The following JPH4 variants were observed in gnomAD, a reference collection of about 807,000 sequenced individuals.
The protein encoded by JPH4 is junctophilin 4, also known as junctophilin-4.
In JPH4, 18 loss-of-function variants were observed where a neutral mutation model predicts 57.6. The observed-to-expected ratio is 0.31, with a 90% CI of 0.22 to 0.46. JPH4 has a LOEUF of 0.46. JPH4 is among the 20% of genes least tolerant of loss of function. The pLI is 1.00. For missense variants in JPH4, 727 were observed against 911.1 expected (o/e 0.80, Z 2.60); for synonymous variants, 425 against 406.6 (o/e 1.05, Z -0.54).
Position 23,576,505 on chromosome 14 carries a change from C to G in JPH4, c.380-49G>C. On this transcript the variant is annotated intron_variant, in intron 2 of 5. Coordinates refer to ENST00000356300, the MANE Select transcript of JPH4 (RefSeq NM_001146028.2). This position sits in a 1 kb window ranked among gnomAD's most constrained non-coding sequence, Gnocchi z 8.0. ...GAAAGAGTCAGGACGTGCCGCTGGG[C>G]TCCTTGCGCCCCAAGTCCCAAGCGC... The G allele has an allele frequency of 7.5e-7, 1 of 1,340,582 alleles. No homozygotes were observed. Among genetic ancestry groups the G allele is most frequent in the South Asian group, 1.8e-5 (1 of 54,790 alleles). 83.0% of individuals were successfully genotyped at this position (1,340,582 alleles called of 1,614,324 possible).
chr14:23,575,649 CT>C lies in JPH4; in HGVS notation c.1151+35del. 1 of 1,569,556 alleles carries C rather than the reference CT, an allele frequency of 6.4e-7. No individual in the cohort carries two copies. The highest frequency in any genetic ancestry group is 8.6e-7 in the Non-Finnish European group (1 of 1,160,462). On this transcript the variant is annotated intron_variant, in intron 3 of 5. Transcript: ENST00000356300. The surrounding 1 kb of genome is among the most constrained non-coding windows in gnomAD (Gnocchi z 6.9). ...CCTGGTCCCCAGCGCACCCCCTCCT[CT>C]TAGCCCAGCTTTGGCCTCTGAACTG...
chr14:23,574,364 G>T (rs769978698), intron 3 of JPH4, among the ~76,000 whole-genome samples: 1 of 152,002 alleles, frequency 6.6e-6, no homozygotes, highest in South Asian at 2.1e-4. Context: ...TAGTAGACAG[G>T]GTTTCCCATG....
Position 23,568,061 on chromosome 14 carries a change from TA to T in JPH4, c.*1572del, listed in dbSNP as rs750204923. ...CCTTTTTTGAACTTTTTTATTAATATATTTTTTTTGTTAAATTTCTTTGTAT... is the reference window on the plus strand; with the variant it reads ...CCTTTTTTGAACTTTTTTATTAATATTTTTTTTTGTTAAATTTCTTTGTAT... On this transcript the variant is annotated 3_prime_UTR_variant, in exon 6 of 6. Transcript: ENST00000356300. 4.5e-4 allele frequency: 438 copies of T among 983,684 alleles called. No homozygotes were observed. The highest frequency in any genetic ancestry group is 4.9e-4 in the Non-Finnish European group (402 of 827,966). The allele number at this position is 983,684 out of a possible 1,614,324, so 60.9% of individuals were successfully genotyped here. A position where few individuals can be genotyped will look rare whatever the true frequency, so the allele number is the denominator to read the frequency against.
Position 23,568,055 on chromosome 14 carries a change from T to G in JPH4, c.*1579A>C. 1 of 983,780 alleles carries G rather than the reference T, an allele frequency of 1.0e-6. No individual in the cohort carries two copies. The highest frequency in any genetic ancestry group is 1.2e-6 in the Non-Finnish European group (1 of 828,028). 60.9% of individuals were successfully genotyped at this position (983,780 alleles called of 1,614,324 possible). On this transcript the variant is annotated 3_prime_UTR_variant, in exon 6 of 6. Transcript: ENST00000356300. Reference sequence around the variant, plus strand: ...CCCCCCCCTTTTTTGAACTTTTTTATTAATATATTTTTTTTGTTAAATTTC... The same window carrying G: ...CCCCCCCCTTTTTTGAACTTTTTTAGTAATATATTTTTTTTGTTAAATTTC...
At position 23,576,941 on chromosome 14, in the gene JPH4, G is replaced by C; in HGVS notation, c.379+134C>G. 1 of 1,070,162 alleles carries C rather than the reference G, an allele frequency of 9.3e-7. No individual in the cohort carries two copies. Among genetic ancestry groups the C allele is most frequent in the African/African-American group, 1.7e-5 (1 of 60,050 alleles). 66.3% of individuals were successfully genotyped at this position (1,070,162 alleles called of 1,614,324 possible). On this transcript the variant is annotated intron_variant, in intron 2 of 5. Transcript: ENST00000356300. This position sits in a 1 kb window ranked among gnomAD's most constrained non-coding sequence, Gnocchi z 8.0. The stretch of plus-strand genomic sequence containing the variant: ...GGGAGAGAGCAGAAATTGGGGGCTG[G>C]GGGTCACATCGATGGGGAATGGTGG...
chr14:23,572,004 CT>C (rs1345480992), intron 3 of JPH4, 84 bp from the exon 4 acceptor site: 38 of 1,188,374 alleles, frequency 3.2e-5, no homozygotes, highest in Non-Finnish European at 4.5e-5. Context: ...CCCCTAGCCC[CT>C]GTCCCCTCTA....
At position 23,575,744 on chromosome 14, in the gene JPH4, G is replaced by A. The variant is rs764095747; in HGVS notation, c.1092C>T (p.Val364=). Residue 364 remains valine (V), a synonymous_variant, in exon 3 of 6, where the codon GTC becomes GTT. Transcript: ENST00000356300. The surrounding 1 kb of genome is among the most constrained non-coding windows in gnomAD (Gnocchi z 6.9). ...GKVKEKVDRA[V]EGARRAVSAA... Reference sequence around the variant, plus strand: ...CACTCACGGCTCGACGGGCGCCCTCGACAGCCCTGTCCACCTTCTCCTTAA... The same window carrying A: ...CACTCACGGCTCGACGGGCGCCCTCAACAGCCCTGTCCACCTTCTCCTTAA... The A allele has an allele frequency of 2.5e-6, 4 of 1,593,274 alleles. No individual in the cohort carries two copies. The East Asian group carries it at 7.0e-5, about 28-fold the overall frequency.
rs377476544 is a variant in JPH4 at position 23,569,600 on chromosome 14, G to A, written c.*34C>T. On this transcript the variant is annotated 3_prime_UTR_variant, in exon 6 of 6. Transcript: ENST00000356300. This position sits in a 1 kb window ranked among gnomAD's most constrained non-coding sequence, Gnocchi z 4.8. ...GCAGGTCAAAGGGGTGAAGAGGCAC[G>A]CAACCAAAGCCAGAACCAGGCCAGG... The A allele has an allele frequency of 3.0e-5, 45 of 1,488,062 alleles. No individual in the cohort carries two copies. In the African/African-American group the frequency reaches 5.4e-4, roughly 18 times the overall value. 92.2% of individuals were successfully genotyped at this position (1,488,062 alleles called of 1,614,324 possible). A position where few individuals can be genotyped will look rare whatever the true frequency, so the allele number is the denominator to read the frequency against.
Position 23,568,783 on chromosome 14 carries a change from C to T in JPH4, c.*851G>A, listed in dbSNP as rs539471816. On this transcript the variant is annotated 3_prime_UTR_variant, in exon 6 of 6. Transcript: ENST00000356300. ...ATTTAATCAAAGGCCACAAGTGAGTCCAGACCAACCAAATAAACTATTATG... is the reference window on the plus strand; with the variant it reads ...ATTTAATCAAAGGCCACAAGTGAGTTCAGACCAACCAAATAAACTATTATG... 602 of 985,672 alleles carry T rather than the reference C, an allele frequency of 6.1e-4. No homozygotes were observed. Among genetic ancestry groups the T allele is most frequent in the Non-Finnish European group, 7.0e-4 (578 of 830,010 alleles). 61.1% of individuals were successfully genotyped at this position (985,672 alleles called of 1,614,324 possible). A position where few individuals can be genotyped will look rare whatever the true frequency, so the allele number is the denominator to read the frequency against.
At position 23,569,421 on chromosome 14, in the gene JPH4, G is replaced by A; in HGVS notation, c.*213C>T. The A allele has an allele frequency of 3.5e-6, 2 of 563,520 alleles. No homozygotes were observed. The highest frequency in any genetic ancestry group is 6.4e-6 in the Non-Finnish European group (2 of 313,810). 34.9% of individuals were successfully genotyped at this position (563,520 alleles called of 1,614,324 possible). A position where few individuals can be genotyped will look rare whatever the true frequency, so the allele number is the denominator to read the frequency against. Reference sequence around the variant, plus strand: ...GGGTTGGGATGGGGAAGGGAGTGAGGAATACAGAGACAGATCCAGAAGAAA... The same window carrying A: ...GGGTTGGGATGGGGAAGGGAGTGAGAAATACAGAGACAGATCCAGAAGAAA... On this transcript the variant is annotated 3_prime_UTR_variant, in exon 6 of 6. Transcript: ENST00000356300. The surrounding 1 kb of genome is among the most constrained non-coding windows in gnomAD (Gnocchi z 4.8).
Position 23,570,939 on chromosome 14 carries a change from G to A in JPH4, c.1792C>T (p.Pro598Ser). 2 of 1,512,966 alleles carry A rather than the reference G, an allele frequency of 1.3e-6. No homozygotes were observed. Among genetic ancestry groups the A allele is most frequent in the Non-Finnish European group, 1.8e-6 (2 of 1,131,884 alleles). 93.7% of individuals were successfully genotyped at this position (1,512,966 alleles called of 1,614,324 possible). Residue 598 changes from proline (P) to serine (S), a missense_variant, in exon 5 of 6, where the codon CCT becomes TCT. Pro to Ser is a moderately conservative substitution (Grantham distance 74, BLOSUM62 -1). Coordinates refer to ENST00000356300, the MANE Select transcript of JPH4 (RefSeq NM_001146028.2). ...ELGEPAATER[P>S]AQPGAANPLV... ...ACAGAGGATCTCACCGGCTGGGCAG[G>A]CCTCTCGGTTGCAGCGGGCTCCCCG...
Position 23,571,122 on chromosome 14 carries a change from C to T in JPH4, c.1609G>A (p.Asp537Asn), listed in dbSNP as rs755982528. Reference sequence around the variant, plus strand: ...TCCTCTCGAAGACTTCCTGAACTGTCGCTGCAGCCTCCGAGGAGTGGGGAA... The same window carrying T: ...TCCTCTCGAAGACTTCCTGAACTGTTGCTGCAGCCTCCGAGGAGTGGGGAA... Reference protein sequence around the residue: ...DGSPLLGGCSDSSGSLREEEG... With the variant: ...DGSPLLGGCSNSSGSLREEEG... Residue 537 changes from aspartate to asparagine, a missense_variant, in exon 5 of 6, where the codon GAC (aspartate) becomes AAC (asparagine). Asp to Asn is a conservative substitution (Grantham distance 23). This residue lies in a region of JPH4 where 293 missense variants were observed against 279.8 expected (regional missense o/e 1.05). Transcript: ENST00000356300. The surrounding 1 kb of genome is among the most constrained non-coding windows in gnomAD (Gnocchi z 4.6). The T allele has an allele frequency of 5.0e-6, 8 of 1,613,978 alleles. No homozygotes were observed. The East Asian group carries it at 8.9e-5, about 18-fold the overall frequency.
chr14:23,576,582 G>T lies in JPH4; in HGVS notation c.380-126C>A. Reference sequence around the variant, plus strand: ...AGAGATGGAGGCAGTTAGTGTGGAGGTCGGGGAAGGGCACTGGGAGCCGGG... The same window carrying T: ...AGAGATGGAGGCAGTTAGTGTGGAGTTCGGGGAAGGGCACTGGGAGCCGGG... On this transcript the variant is annotated intron_variant, in intron 2 of 5. Transcript: ENST00000356300. The surrounding 1 kb of genome is among the most constrained non-coding windows in gnomAD (Gnocchi z 8.0). 1.3e-6 allele frequency: 1 copy of T among 794,168 alleles called. No homozygotes were observed. Among genetic ancestry groups the T allele is most frequent in the Non-Finnish European group, 1.7e-6 (1 of 575,136 alleles). 49.2% of individuals were successfully genotyped at this position (794,168 alleles called of 1,614,324 possible). A position where few individuals can be genotyped will look rare whatever the true frequency, so the allele number is the denominator to read the frequency against.
intron 5 of JPH4, among the ~76,000 whole-genome samples, chr14:23,570,619 C>T (rs1255648956): frequency 6.6e-6 from 1 of 152,014 alleles, no homozygotes; most frequent in African/African-American, 2.4e-5. Context: ...CGTGATCCGC[C>T]CACTTCGGCC....
At position 23,577,055 on chromosome 14, in the gene JPH4, T is replaced by G. The variant is rs1889292785; in HGVS notation, c.379+20A>C. 8 of 1,504,714 alleles carry G rather than the reference T, an allele frequency of 5.3e-6. No homozygotes were observed. The highest frequency in any genetic ancestry group is 7.1e-6 in the Non-Finnish European group (8 of 1,128,694). The allele number at this position is 1,504,714 out of a possible 1,614,324, so 93.2% of individuals were successfully genotyped here. A position where few individuals can be genotyped will look rare whatever the true frequency, so the allele number is the denominator to read the frequency against. On this transcript the variant is annotated intron_variant, in intron 2 of 5. Transcript: ENST00000356300. The surrounding 1 kb of genome is among the most constrained non-coding windows in gnomAD (Gnocchi z 8.4). Reference sequence around the variant, plus strand: ...CGCACGCGGACGAGCAGACAGACACTGGTGGGCCGGGCCCCGCACCTCCGT... The same window carrying G: ...CGCACGCGGACGAGCAGACAGACACGGGTGGGCCGGGCCCCGCACCTCCGT...
At position 23,576,271 on chromosome 14, in the gene JPH4, A is replaced by G; in HGVS notation, c.565T>C (p.Ser189Pro). The G allele has an allele frequency of 7.9e-7, 1 of 1,265,632 alleles. No individual in the cohort carries two copies. Among genetic ancestry groups the G allele is most frequent in the Non-Finnish European group, 9.9e-7 (1 of 1,007,362 alleles). 78.4% of individuals were successfully genotyped at this position (1,265,632 alleles called of 1,614,324 possible). ...AGCACGAAGCCGCCCCGGGAGCCCG[A>G]GGCGGGGCTGCCTCCCTCGTCGCCC... ...LPGDEGGSPA[S>P]GSRGGFVLAG... Residue 189 changes from serine (S) to proline (P), a missense_variant, in exon 3 of 6, where the codon TCG becomes CCG. This residue lies in a region of JPH4 where 131 missense variants were observed against 156.5 expected (regional missense o/e 0.84). Coordinates refer to ENST00000356300, the MANE Select transcript of JPH4 (RefSeq NM_001146028.2). This position sits in a 1 kb window ranked among gnomAD's most constrained non-coding sequence, Gnocchi z 8.0.
At position 23,569,532 on chromosome 14, in the gene JPH4, A is replaced by C. The variant is rs2139457518; in HGVS notation, c.*102T>G. Reference sequence around the variant, plus strand: ...GAAAAGAAAGGAAGAAGAGAAAGAAAGATAGGAGAAAACACAGCCAGGAAG... The same window carrying C: ...GAAAAGAAAGGAAGAAGAGAAAGAACGATAGGAGAAAACACAGCCAGGAAG... On this transcript the variant is annotated 3_prime_UTR_variant, in exon 6 of 6. Transcript: ENST00000356300. This position sits in a 1 kb window ranked among gnomAD's most constrained non-coding sequence, Gnocchi z 4.8. 1 of 769,806 alleles carries C rather than the reference A, an allele frequency of 1.3e-6. No individual in the cohort carries two copies. Among genetic ancestry groups the C allele is most frequent in the East Asian group, 2.7e-5 (1 of 37,386 alleles). The allele number at this position is 769,806 out of a possible 1,614,324, so 47.7% of individuals were successfully genotyped here.
Position 23,571,581 on chromosome 14 carries a change from C to T in JPH4, c.1271-121G>A, listed in dbSNP as rs552032795. ...GAATTCCCAGGCTCATAGCCTCTCACCGCCAGACCCCAAACCCCCCATTAT... is the reference window on the plus strand; with the variant it reads ...GAATTCCCAGGCTCATAGCCTCTCATCGCCAGACCCCAAACCCCCCATTAT... On this transcript the variant is annotated intron_variant, in intron 4 of 5. Coordinates refer to ENST00000356300, the MANE Select transcript of JPH4 (RefSeq NM_001146028.2). This position sits in a 1 kb window ranked among gnomAD's most constrained non-coding sequence, Gnocchi z 4.6. 5 of 1,253,506 alleles carry T rather than the reference C, an allele frequency of 4.0e-6. 1 individual carries two copies. The South Asian group carries it at 5.6e-5, about 14-fold the overall frequency. The allele number at this position is 1,253,506 out of a possible 1,614,324, so 77.6% of individuals were successfully genotyped here. A position where few individuals can be genotyped will look rare whatever the true frequency, so the allele number is the denominator to read the frequency against.
In JPH4 at chr14:23,577,041, G is replaced by A. The variant is rs770022063; in HGVS notation, c.379+34C>T. 4 of 1,473,272 alleles carry A rather than the reference G, an allele frequency of 2.7e-6. No individual in the cohort carries two copies. The highest frequency in any genetic ancestry group is 2.6e-5 in the East Asian group (1 of 39,188). The allele number at this position is 1,473,272 out of a possible 1,614,324, so 91.3% of individuals were successfully genotyped here. A position where few individuals can be genotyped will look rare whatever the true frequency, so the allele number is the denominator to read the frequency against. On this transcript the variant is annotated intron_variant, in intron 2 of 5. Transcript: ENST00000356300. This position sits in a 1 kb window ranked among gnomAD's most constrained non-coding sequence, Gnocchi z 8.4. ...AAGGCTGGGGAAGGCGCACGCGGAC[G>A]AGCAGACAGACACTGGTGGGCCGGG...
Sources: gnomAD v4.1 joint callset for allele counts (sites outside exome capture counted in the v4.1 genomes callset) on GRCh38, gnomAD v4.1.1 for gene constraint, gnomAD v4.1.1 regional missense constraint, Gnocchi (gnomAD v3.1) non-coding constraint, MANE v1.5 for transcripts, NCBI Gene and HGNC (gene_info 2026-07-23, HGNC 2026-07-21) for gene names.